CHD3: variants seen among roughly 807,000 people sequenced by gnomAD.
CHD3 encodes the protein ATP-dependent chromatin remodeler CHD3.
CHD3 carries 52 observed loss-of-function variants against 248.9 expected under a neutral mutation model. The ratio of observed to expected loss-of-function variants is 0.21; its 90% CI spans 0.17 to 0.26. The LOEUF (loss-of-function observed/expected upper bound fraction) is 0.26, where lower values mean the gene tolerates loss of function less well. Ranked by LOEUF, CHD3 falls within the 10% of genes least tolerant of loss-of-function variation. CHD3 has a pLI of 1.00. For missense variants in CHD3, 1,482 were observed against 2,605.8 expected (o/e 0.57, Z 9.39); for synonymous variants, 985 against 985.2 (o/e 1.00, Z 0.00).
chr17:7,910,312 C>T lies in CHD3; in HGVS notation c.5591-116C>T, dbSNP rs1971488350. On this transcript the variant is annotated intron_variant, in intron 37 of 39. Coordinates refer to ENST00000330494, the MANE Select transcript of CHD3 (RefSeq NM_001005273.3). This position sits in a 1 kb window ranked among gnomAD's most constrained non-coding sequence, Gnocchi z 4.7. ...CTGGTTCTTTGACATCTGTGTTCTC[C>T]TCTCTCGCTCTTTTTCTGCCTGTAT... 1.6e-6 allele frequency: 2 copies of T among 1,271,312 alleles called. No homozygotes were observed. The highest frequency in any genetic ancestry group is 1.5e-5 in the African/African-American group (1 of 67,918). 78.8% of individuals were successfully genotyped at this position (1,271,312 alleles called of 1,614,324 possible).
rs887284950 is a variant in CHD3 at position 7,899,985 on chromosome 17, C to G, written c.2634C>G (p.Ala878=). 5.6e-6 allele frequency: 9 copies of G among 1,614,032 alleles called. No homozygotes were observed. The highest frequency in any genetic ancestry group is 7.6e-6 in the Non-Finnish European group (9 of 1,180,024). The change falls in exon 16 of 40, where the codon GCC becomes GCG. Residue 878 remains alanine (A), a synonymous_variant. Coordinates refer to ENST00000330494, the MANE Select transcript of CHD3 (RefSeq NM_001005273.3). This position sits in a 1 kb window ranked among gnomAD's most constrained non-coding sequence, Gnocchi z 6.8. The stretch of plus-strand genomic sequence containing the variant: ...CAGCACTTGGTTCCATCCGCTGGGC[C>G]TGTCTTGTGGTAGATGAGGCCCATC... ...DQAALGSIRW[A]CLVVDEAHRL...
rs142874934 is a variant in CHD3, at chr17:7,905,585, G to A, written c.4139-36G>A. ...AGGAGGACTGAGGCTTAGAGGAGGTGGTGGCTCAGCTAACTGATGTCATCC... is the reference window on the plus strand; with the variant it reads ...AGGAGGACTGAGGCTTAGAGGAGGTAGTGGCTCAGCTAACTGATGTCATCC... On this transcript the variant is annotated intron_variant, in intron 26 of 39. Coordinates refer to ENST00000330494, the MANE Select transcript of CHD3 (RefSeq NM_001005273.3). The surrounding 1 kb of genome is among the most constrained non-coding windows in gnomAD (Gnocchi z 5.8). 271 of 1,494,342 alleles carry A rather than the reference G, an allele frequency of 1.8e-4. 2 individuals are homozygous for A. The African/African-American group carries it at 3.1e-3, about 17-fold the overall frequency. The allele number at this position is 1,494,342 out of a possible 1,614,324, so 92.6% of individuals were successfully genotyped here. A position where few individuals can be genotyped will look rare whatever the true frequency, so the allele number is the denominator to read the frequency against.
At chr17:7,896,206 C>T (rs939687083) in intron 10 of CHD3, among the ~76,000 whole-genome samples, 2 of 124,904 alleles carry the variant, frequency 1.6e-5, no homozygotes, top group African/African-American at 6.6e-5. Flanking sequence ...TCAGCCTGGG[C>T]GACAGAGCGA....
In CHD3 at chr17:7,909,401, C is replaced by T; in HGVS notation, c.5590+63C>T. The T allele has an allele frequency of 6.8e-7, 1 of 1,474,222 alleles. No homozygotes were observed. Among genetic ancestry groups the T allele is most frequent in the Non-Finnish European group, 9.0e-7 (1 of 1,110,094 alleles). 91.3% of individuals were successfully genotyped at this position (1,474,222 alleles called of 1,614,324 possible). On this transcript the variant is annotated intron_variant, in intron 37 of 39. Coordinates refer to ENST00000330494, the MANE Select transcript of CHD3 (RefSeq NM_001005273.3). The surrounding 1 kb of genome is among the most constrained non-coding windows in gnomAD (Gnocchi z 8.1). ...CAACGCTGCGTAAGTCTTCACCCCG[C>T]ACCCCTCAAAATCTTCCCACCCCCT...
chr17:7,896,227 CAAAAA>C (rs750972677), intron 10 of CHD3, among the ~76,000 whole-genome samples: 55 of 57,922 alleles, frequency 9.5e-4, no homozygotes, highest in African/African-American at 3.0e-3. Context: ...CACTCTATCT[CAAAAA>C]AAAAAAAAAA....
Position 7,893,834 on chromosome 17 carries a change from C to T in CHD3, c.823C>T (p.Pro275Ser), listed in dbSNP as rs1969242499. The T allele has an allele frequency of 2.5e-6, 4 of 1,614,062 alleles. No individual in the cohort carries two copies. The highest frequency in any genetic ancestry group is 2.5e-6 in the Non-Finnish European group (3 of 1,180,022). ...GPGHKRRSKS[P>S]RVPDGRKKLR... is the part of the protein sequence containing the mutation. ...AGGCCATAAGAGGCGGAGTAAGAGC[C>T]CCCGAGTGCCTGATGGACGCAAGAA... Residue 275 changes from proline to serine, a missense_variant, in exon 6 of 40, where the codon CCC becomes TCC. Transcript: ENST00000330494.
rs758484620 is a variant in CHD3, at chr17:7,889,016, A to G, written c.16A>G (p.Thr6Ala). The G allele has an allele frequency of 8.7e-6, 14 of 1,614,120 alleles. No homozygotes were observed. The highest frequency in any genetic ancestry group is 1.3e-5 in the African/African-American group (1 of 74,932). MKAAD[T>A]VILWARSKND... is the part of the protein sequence containing the mutation. ...CTCCTGTGTGATGAAGGCGGCAGAC[A>G]CTGTGATCCTGTGGGCAAGAAGTAA... Residue 6 changes from threonine (T) to alanine (A), a missense_variant, in exon 1 of 40, where the codon ACT becomes GCT. By Grantham distance (58) the Thr-to-Ala change is moderately conservative. Around this residue, in one of 20 missense-constraint regions of CHD3, gnomAD observed 169 missense variants for 168.1 expected, o/e 1.01. Transcript: ENST00000330494. This position sits in a 1 kb window ranked among gnomAD's most constrained non-coding sequence, Gnocchi z 4.5.
intron 8 of CHD3, 128 bp downstream of exon 8, chr17:7,894,736 G>C (rs899151393): frequency 1.5e-6 from 2 of 1,333,944 alleles, no homozygotes; most frequent in Non-Finnish European, 2.1e-6. Context: ...CGAGTGTCTA[G>C]GATCCTAATG....
upstream of CHD3, among the ~76,000 whole-genome samples, chr17:7,888,245 G>T (rs921856101): frequency 6.6e-6 from 1 of 152,238 alleles, no homozygotes; most frequent in African/African-American, 2.4e-5. Flanking sequence ...GGGGACACAG[G>T]ATGCTGGAGT....
At chr17:7,891,785 C>T (rs998542069) in intron 4 of CHD3, among the ~76,000 whole-genome samples, 3 of 150,236 alleles carry the variant, frequency 2.0e-5, no homozygotes, top group Non-Finnish European at 3.0e-5. Context: ...CGCTTGAACC[C>T]GGGAGGCAAA....
At position 7,912,645 on chromosome 17, in the gene CHD3, C is replaced by CT. The variant is rs1280809097; in HGVS notation, c.*1063dup. Reference sequence around the variant, plus strand: ...CCACTTCCTCTTTGCTGCCCCTTCACTTTCTTGCTGCCCCTTTCCCAGTCT... The same window carrying CT: ...CCACTTCCTCTTTGCTGCCCCTTCACTTTTCTTGCTGCCCCTTTCCCAGTCT... On this transcript the variant is annotated 3_prime_UTR_variant, in exon 40 of 40. Transcript: ENST00000330494. The CT allele has an allele frequency of 1.3e-5, 2 of 152,174 alleles. No individual in the cohort carries two copies. The highest frequency in any genetic ancestry group is 4.8e-5 in the African/African-American group (2 of 41,416). 9.4% of individuals were successfully genotyped at this position (152,174 alleles called of 1,614,324 possible). A position where few individuals can be genotyped will look rare whatever the true frequency, so the allele number is the denominator to read the frequency against.
chr17:7,909,113 T>C lies in CHD3; in HGVS notation c.5395-30T>C. 6.4e-7 allele frequency: 1 copy of C among 1,550,926 alleles called. No individual in the cohort carries two copies. The highest frequency in any genetic ancestry group is 8.7e-7 in the Non-Finnish European group (1 of 1,147,794). On this transcript the variant is annotated intron_variant, in intron 36 of 39. Transcript: ENST00000330494. The surrounding 1 kb of genome is among the most constrained non-coding windows in gnomAD (Gnocchi z 8.1). ...CCCTCACCCACTGCTGGCAGAGCCCTACCTTCACCTCCCAACTCTGTGCCC... is the reference window on the plus strand; with the variant it reads ...CCCTCACCCACTGCTGGCAGAGCCCCACCTTCACCTCCCAACTCTGTGCCC...
upstream of CHD3, among the ~76,000 whole-genome samples, chr17:7,888,107 C>G (rs1348996873): frequency 6.6e-6 from 1 of 152,202 alleles, no homozygotes; most frequent in South Asian, 2.1e-4. Flanking sequence ...CCAGGGGGAG[C>G]CGGCTGCTGG....
At chr17:7,890,489 G>A (rs1968683105) in intron 2 of CHD3, 82 bp from the exon 3 acceptor site, 3 of 957,342 alleles carry the variant, frequency 3.1e-6, no homozygotes, top group Middle Eastern at 3.2e-4. Flanking sequence ...AAGATTAAAA[G>A]AGGTAAGATA....
rs372031314 is a variant in CHD3 at position 7,907,641 on chromosome 17, G to A, written c.4965G>A (p.Pro1655=). 1.1e-4 allele frequency: 171 copies of A among 1,529,516 alleles called. No homozygotes were observed. Among genetic ancestry groups the A allele is most frequent in the Middle Eastern group, 1.7e-4 (1 of 5,754 alleles). The allele number at this position is 1,529,516 out of a possible 1,614,324, so 94.7% of individuals were successfully genotyped here. ...STPGERGEEK[P]LDGQEHRERP... ...CAGGAGAAAGGGGGGAGGAGAAGCC[G>A]TTGGATGGACAGGAACACAGGGAGA... is the stretch of plus-strand genomic sequence containing the variant. The change falls in exon 33 of 40, where the codon CCG becomes CCA. Residue 1655 remains proline, a synonymous_variant. Transcript: ENST00000330494. The surrounding 1 kb of genome is among the most constrained non-coding windows in gnomAD (Gnocchi z 4.3).
chr17:7,896,616 G>A (rs548315794), intron 10 of CHD3, among the ~76,000 whole-genome samples: 1 of 151,272 alleles, frequency 6.6e-6, no homozygotes, highest in African/African-American at 2.4e-5. Flanking sequence ...TGTTGATCAG[G>A]CTGGTCTCGA....
In CHD3 at chr17:7,900,766, T is replaced by C. The variant is rs1871962658; in HGVS notation, c.2978+35T>C. On this transcript the variant is annotated intron_variant, in intron 18 of 39. Transcript: ENST00000330494. The surrounding 1 kb of genome is among the most constrained non-coding windows in gnomAD (Gnocchi z 6.5). ...AAGACGAGCTGCCTGGAGTAGGGCT[T>C]GGGGATTGATGGGAGCGTTCCAAGT... 6.2e-7 allele frequency: 1 copy of C among 1,609,534 alleles called. No individual in the cohort carries two copies. Among genetic ancestry groups the C allele is most frequent in the South Asian group, 1.1e-5 (1 of 90,992 alleles).
intron 10 of CHD3, among the ~76,000 whole-genome samples, chr17:7,896,396 C>CT (rs1404964976): frequency 1.0e-4 from 15 of 146,024 alleles, no homozygotes; most frequent in South Asian, 2.2e-4. Context: ...CATCCTTTTT[C>CT]TTTTTTTTTC....
At chr17:7,902,553 T>A in intron 20 of CHD3, 57 bp from the exon 21 acceptor site, 1 of 1,155,448 alleles carries the variant, frequency 8.7e-7, no homozygotes. Flanking sequence ...GTAGTTAGAA[T>A]AAGCAAGCAT....
Sources: allele counts gnomAD v4.1 joint callset (sites outside exome capture counted in the v4.1 genomes callset), GRCh38; gene constraint gnomAD v4.1.1; regional missense constraint gnomAD v4.1.1; non-coding constraint Gnocchi (gnomAD v3.1); transcripts MANE v1.5; gene names NCBI Gene and HGNC (gene_info 2026-07-23, HGNC 2026-07-21).